FGF13: variants seen among roughly 807,000 people sequenced by gnomAD.
FGF13 encodes the protein fibroblast growth factor 13, also known as fibroblast growth factor homologous factor 2.
FGF13 carries 2 observed loss-of-function variants against 19.5 expected under a neutral mutation model. That is an observed-to-expected ratio of 0.10 (90% CI 0.04 to 0.32). The LOEUF (loss-of-function observed/expected upper bound fraction) is 0.32, where lower values mean the gene tolerates loss of function less well. Among genes scored for constraint, FGF13 ranks in the 10% least tolerant of loss-of-function variants. FGF13 has a pLI of 1.00. For synonymous variants in FGF13, 72 were observed against 76.9 expected (o/e 0.94, Z 0.33); for missense variants, 113 against 192.7 (o/e 0.59, Z 2.45).
At chrX:138,677,372 C>G (rs1401832842) in intron 3 of FGF13, among the ~76,000 whole-genome samples, 1 of 109,562 alleles carries the variant, frequency 9.1e-6, no homozygotes, top group African/African-American at 3.3e-5. Flanking sequence ...AAAGAAACTA[C>G]CATCAGAGTG....
intron 1 of FGF13, among the ~76,000 whole-genome samples, chrX:139,049,958 A>G (rs753488977): frequency 2.7e-5 from 3 of 112,194 alleles, no homozygotes; most frequent in Admixed American, 9.4e-5. Context: ...ACAGTTTAAA[A>G]CACTACATAG....
intron 1 of FGF13, among the ~76,000 whole-genome samples, chrX:138,987,657 C>T (rs2091999507): frequency 9.0e-6 from 1 of 111,688 alleles, no homozygotes; most frequent in Non-Finnish European, 1.9e-5. Flanking sequence ...GGAAAATTAG[C>T]TGATGATAAT....
At chrX:138,901,698 G>T (rs1396605359) in intron 1 of FGF13, among the ~76,000 whole-genome samples, 1 of 111,447 alleles carries the variant, frequency 9.0e-6, no homozygotes, top group East Asian at 2.8e-4. Context: ...TGTTGGTGGG[G>T]ACTGAGATAT....
chrX:138,889,498 C>T (rs17001813), intron 1 of FGF13, among the ~76,000 whole-genome samples: 5,111 of 111,771 alleles, frequency 0.046, 312 homozygotes, highest in African/African-American at 0.16. Context: ...AGGGTAACAA[C>T]AGGCAGTCTG....
At chrX:138,997,152 T>A (rs1294559433) in intron 1 of FGF13, among the ~76,000 whole-genome samples, 1 of 111,372 alleles carries the variant, frequency 9.0e-6, no homozygotes, top group Non-Finnish European at 1.9e-5. Flanking sequence ...AAAAAGGACA[T>A]CCACACCAAA....
chrX:139,130,237 C>G (rs141521407), intron 1 of FGF13, among the ~76,000 whole-genome samples: 1,390 of 111,835 alleles, frequency 0.012, 23 homozygotes, highest in African/African-American at 0.043. Context: ...TTGCATCTTT[C>G]TTATATTTTG....
chrX:139,137,802 G>A (rs897032096), intron 1 of FGF13, among the ~76,000 whole-genome samples: 2 of 112,308 alleles, frequency 1.8e-5, no homozygotes, highest in Non-Finnish European at 3.8e-5. Context: ...TATGTTTAGG[G>A]AAAGCATTTT....
chrX:138,747,803 C>A (rs1349139749), intron 3 of FGF13, among the ~76,000 whole-genome samples: 1 of 111,422 alleles, frequency 9.0e-6, no homozygotes, highest in Non-Finnish European at 1.9e-5. Context: ...AAGGATGAGG[C>A]CATCTCCACT....
intron 3 of FGF13, among the ~76,000 whole-genome samples, chrX:138,686,864 A>C (rs897561655): frequency 8.9e-6 from 1 of 112,081 alleles, no homozygotes; most frequent in African/African-American, 3.2e-5. Context: ...TCAGGAAATA[A>C]TAATAAAACA....
chrX:139,166,071 C>T (rs1007230245), intron 1 of FGF13, among the ~76,000 whole-genome samples: 5 of 111,356 alleles, frequency 4.5e-5, no homozygotes, highest in African/African-American at 1.6e-4. Context: ...GTTGGAAGGG[C>T]ATGATTGTGT....
At chrX:138,875,038 G>C (rs2091379914) in intron 1 of FGF13, among the ~76,000 whole-genome samples, 1 of 109,907 alleles carries the variant, frequency 9.1e-6, no homozygotes, top group Non-Finnish European at 1.9e-5. Context: ...TCAGGAGTTT[G>C]AGACCAGCCT....
intron 1 of FGF13, among the ~76,000 whole-genome samples, chrX:139,082,704 A>C (rs925112152): frequency 1.8e-5 from 2 of 112,008 alleles, no homozygotes; most frequent in Non-Finnish European, 3.8e-5. Context: ...CCTTGATTTC[A>C]GATTTCTAAT....
At chrX:138,882,678 C>T (rs760857398) in intron 1 of FGF13, among the ~76,000 whole-genome samples, 3 of 111,842 alleles carry the variant, frequency 2.7e-5, no homozygotes, top group African/African-American at 9.7e-5. Flanking sequence ...CTCAGTTGGG[C>T]TGGTTTCAGT....
intron 3 of FGF13, among the ~76,000 whole-genome samples, chrX:138,811,478 G>C (rs1378434624): frequency 9.1e-6 from 1 of 110,448 alleles, no homozygotes; most frequent in Admixed American, 9.7e-5. Context: ...ATAGCATTAG[G>C]AGATATACCT....
intron 3 of FGF13, among the ~76,000 whole-genome samples, chrX:138,697,622 G>C (rs1381630475): frequency 9.0e-6 from 1 of 110,964 alleles, no homozygotes. Context: ...GCAATACTGT[G>C]TATTGTGAAA....
At chrX:138,778,916 T>G (rs1468915923) in intron 3 of FGF13, among the ~76,000 whole-genome samples, 4 of 112,491 alleles carry the variant, frequency 3.6e-5, no homozygotes, top group Non-Finnish European at 7.5e-5. Context: ...TAAATGTCCC[T>G]GTCTGACAGC....
chrX:138,643,689 T>C (rs1454302315), intron 3 of FGF13, among the ~76,000 whole-genome samples: 1 of 112,145 alleles, frequency 8.9e-6, no homozygotes, highest in East Asian at 2.8e-4. Context: ...GGCATCTCAC[T>C]GTTTAACAGA....
intron 3 of FGF13, among the ~76,000 whole-genome samples, chrX:138,833,705 G>A (rs1287640792): frequency 8.9e-6 from 1 of 111,935 alleles, no homozygotes; most frequent in Non-Finnish European, 1.9e-5. Context: ...TTGAATAAGA[G>A]TTGTGACAGA....
chrX:138,752,441 A>G (rs1037486824), intron 3 of FGF13, among the ~76,000 whole-genome samples: 4 of 111,958 alleles, frequency 3.6e-5, no homozygotes, highest in African/African-American at 1.3e-4. Flanking sequence ...AGAAAAAAAA[A>G]TTAGATATGG....
Sources: gnomAD v4.1 joint callset for allele counts (sites outside exome capture counted in the v4.1 genomes callset) on GRCh38, gnomAD v4.1.1 for gene constraint, MANE v1.5 for transcripts, NCBI Gene and HGNC (gene_info 2026-07-23, HGNC 2026-07-21) for gene names.